The following C10orf90 variants were observed in gnomAD, a reference collection of about 807,000 sequenced individuals.
The protein encoded by C10orf90 is chromosome 10 open reading frame 90, also known as (E2-independent) E3 ubiquitin-conjugating enzyme FATS.
A neutral mutation model predicts 62.5 loss-of-function variants in C10orf90; 56 were observed. That is an observed-to-expected ratio of 0.90 (90% confidence interval 0.72 to 1.12). The LOEUF is 1.12. C10orf90 is among the 50% of genes most tolerant of loss of function. The pLI, the probability that C10orf90 is intolerant of heterozygous loss-of-function variation, is 0.00. For missense variants in C10orf90, 970 were observed against 880.4 expected, an observed-to-expected ratio of 1.10 and a Z score of -1.29; for synonymous variants, 386 against 340.4, an observed-to-expected ratio of 1.13 and a Z score of -1.47.
intron 2 of C10orf90, among the ~76,000 whole-genome samples, chr10:126,635,414 C>T (rs1290093419): frequency 6.6e-6 from 1 of 152,114 alleles, no homozygotes. Context: ...CCCAAAATAT[C>T]AGCTGTGGCT....
At chr10:126,463,531 C>A (rs1458633152) in intron 5 of C10orf90, among the ~76,000 whole-genome samples, 2 of 152,176 alleles carry the variant, frequency 1.3e-5, no homozygotes, top group Non-Finnish European at 2.9e-5. Context: ...CTCACGCCAG[C>A]CACTGCCACC....
chr10:126,598,023 C>T (rs936489475), intron 2 of C10orf90, among the ~76,000 whole-genome samples: 2 of 152,198 alleles, frequency 1.3e-5, no homozygotes, highest in African/African-American at 4.8e-5. Context: ...ATCATAAGAC[C>T]TGGCCAAATG....
At chr10:126,646,290 A>T (rs980778666) in intron 2 of C10orf90, among the ~76,000 whole-genome samples, 1 of 152,168 alleles carries the variant, frequency 6.6e-6, no homozygotes, top group African/African-American at 2.4e-5. Flanking sequence ...TGCTGGCCTG[A>T]CCCACATGCT....
chr10:126,495,818 A>T (rs1276522568), intron 4 of C10orf90, among the ~76,000 whole-genome samples: 1 of 152,138 alleles, frequency 6.6e-6, no homozygotes, highest in African/African-American at 2.4e-5. Flanking sequence ...TCATGCTACT[A>T]CCACTGCCTT....
chr10:126,563,475 C>A (rs571744270), intron 2 of C10orf90, among the ~76,000 whole-genome samples: 231 of 152,290 alleles, frequency 1.5e-3, no homozygotes, highest in African/African-American at 5.0e-3. Context: ...GCTCTGACCT[C>A]TGGAGCCTGT....
At chr10:126,447,971 C>G (rs1278242962) in intron 7 of C10orf90, among the ~76,000 whole-genome samples, 7 of 151,012 alleles carry the variant, frequency 4.6e-5, no homozygotes, top group Non-Finnish European at 1.0e-4. Flanking sequence ...CCTGCCTCAG[C>G]CTCCCAAGCA....
chr10:126,635,815 C>T (rs1468589339), intron 2 of C10orf90, among the ~76,000 whole-genome samples: 1 of 152,190 alleles, frequency 6.6e-6, no homozygotes, highest in African/African-American at 2.4e-5. Flanking sequence ...AAGATTTTCT[C>T]TTCAGAAAGA....
At chr10:126,517,197 A>C (rs1255425957) in intron 2 of C10orf90, among the ~76,000 whole-genome samples, 1 of 152,204 alleles carries the variant, frequency 6.6e-6, no homozygotes, top group Non-Finnish European at 1.5e-5. Context: ...AAAATAAGGA[A>C]TATAAAGTCT....
intron 2 of C10orf90, among the ~76,000 whole-genome samples, chr10:126,581,500 C>T (rs1392277447): frequency 1.4e-5 from 2 of 146,136 alleles, no homozygotes; most frequent in East Asian, 2.0e-4. Context: ...CCAGGTACTC[C>T]GCAAGTCCTC....
chr10:126,560,680 C>A (rs1261101689), intron 2 of C10orf90, among the ~76,000 whole-genome samples: 1 of 152,168 alleles, frequency 6.6e-6, no homozygotes, highest in Non-Finnish European at 1.5e-5. Context: ...GGTCAGCAAA[C>A]GTCTTCTGAA....
chr10:126,581,843 C>G (rs748134138), intron 2 of C10orf90, among the ~76,000 whole-genome samples: 1 of 152,194 alleles, frequency 6.6e-6, no homozygotes, highest in Non-Finnish European at 1.5e-5. Flanking sequence ...GTCAGACAGG[C>G]GCCTGTGGAC....
intron 2 of C10orf90, among the ~76,000 whole-genome samples, chr10:126,579,255 ATTTCTTTC>A (rs200536716): frequency 4.4e-5 from 6 of 137,166 alleles, no homozygotes; most frequent in Non-Finnish European, 6.2e-5. Flanking sequence ...ACAAATCTAT[ATTTCTTTC>A]TTTCTTTCTT....
At chr10:126,592,858 C>G (rs565788952) in intron 2 of C10orf90, among the ~76,000 whole-genome samples, 1 of 152,018 alleles carries the variant, frequency 6.6e-6, no homozygotes, top group Non-Finnish European at 1.5e-5. Context: ...GAAAAACAAC[C>G]CCATTAAAAG....
chr10:126,521,945 AT>A (rs1349932293), intron 2 of C10orf90, among the ~76,000 whole-genome samples: 1 of 152,226 alleles, frequency 6.6e-6, no homozygotes, highest in Non-Finnish European at 1.5e-5. Context: ...TGGAGAAGTC[AT>A]TGACTCAAAC....
At chr10:126,517,095 A>G (rs1863476671) in intron 2 of C10orf90, among the ~76,000 whole-genome samples, 1 of 152,162 alleles carries the variant, frequency 6.6e-6, no homozygotes, top group African/African-American at 2.4e-5. Context: ...TAAGACATGA[A>G]CATCTTTGGG....
intron 1 of C10orf90, among the ~76,000 whole-genome samples, chr10:126,668,019 C>G (rs1275889012): frequency 6.6e-6 from 1 of 152,092 alleles, no homozygotes; most frequent in Non-Finnish European, 1.5e-5. Context: ...TAAAGGTATG[C>G]GTGTGGCTGG....
intron 1 of C10orf90, among the ~76,000 whole-genome samples, chr10:126,665,652 C>T (rs917494745): frequency 6.6e-6 from 1 of 152,104 alleles, no homozygotes; most frequent in African/African-American, 2.4e-5. Flanking sequence ...CACTATGACC[C>T]CTGAGAGGAG....
chr10:126,591,636 T>G (rs1322422979), intron 2 of C10orf90, among the ~76,000 whole-genome samples: 1 of 151,938 alleles, frequency 6.6e-6, no homozygotes, highest in Admixed American at 6.6e-5. Context: ...AAAACCAGCA[T>G]AAGACAAGGA....
intron 7 of C10orf90, among the ~76,000 whole-genome samples, chr10:126,432,686 C>T (rs1037419748): frequency 3.3e-5 from 5 of 152,096 alleles, no homozygotes; most frequent in Non-Finnish European, 1.5e-5. Flanking sequence ...CGTGGCTGTG[C>T]GGGGAGGGAG....
Sources: gnomAD v4.1 joint callset for allele counts (sites outside exome capture counted in the v4.1 genomes callset) on GRCh38, gnomAD v4.1.1 for gene constraint, MANE v1.5 for transcripts, NCBI Gene and HGNC (gene_info 2026-07-23, HGNC 2026-07-21) for gene names.